KCNQ4: variants seen among roughly 807,000 people sequenced by gnomAD.
KCNQ4 encodes potassium voltage-gated channel subfamily Q member 4, also known as potassium voltage-gated channel subfamily KQT member 4.
Under a neutral mutation model 72.6 loss-of-function variants are expected in KCNQ4, and 31 were observed. The ratio of observed to expected loss-of-function variants is 0.43; its 90% confidence interval spans 0.32 to 0.58. The LOEUF is 0.58. KCNQ4 is among the 20% of genes least tolerant of loss of function. The pLI, the probability that KCNQ4 is intolerant of heterozygous loss-of-function variation, is 0.08. For missense variants in KCNQ4, 869 were observed against 962.6 expected, an observed-to-expected ratio of 0.90 and a Z score of 1.29; for synonymous variants, 405 against 403.7, an observed-to-expected ratio of 1.00 and a Z score of -0.04.
In KCNQ4 at chr1:40,784,223, C is replaced by T. The variant is rs1299603082; in HGVS notation, c.130C>T (p.Arg44Cys). The change falls in exon 1 of 14, where the codon CGC (arginine) becomes TGC (cysteine). Residue 44 changes from arginine to cysteine, a missense_variant. Around this residue, in one of 5 missense-constraint regions of KCNQ4, gnomAD observed 178 missense variants for 145.3 expected, o/e 1.22. Coordinates refer to ENST00000347132, the MANE Select transcript of KCNQ4 (RefSeq NM_004700.4). The surrounding 1 kb of genome is among the most constrained non-coding windows in gnomAD (Gnocchi z 4.1). ...GGCGGGCGGGGGCGGCTCCCCGCGC[C>T]GCCTCGGCCTCCTGGGCAGCCCCCT... ...GEAGGGGSPR[R>C]LGLLGSPLPP... 1.2e-5 allele frequency: 14 copies of T among 1,187,598 alleles called. No individual in the cohort carries two copies. The highest frequency in any genetic ancestry group is 1.5e-5 in the Non-Finnish European group (14 of 964,258). 73.6% of individuals were successfully genotyped at this position (1,187,598 alleles called of 1,614,324 possible).
intron 4 of KCNQ4, 135 bp downstream of exon 4, chr1:40,818,815 C>T: frequency 9.8e-7 from 1 of 1,015,874 alleles, no homozygotes; most frequent in African/African-American, 1.6e-5. Context: ...GGTTGGAGCC[C>T]TAGCAGGAGG....
intron 1 of KCNQ4, among the ~76,000 whole-genome samples, chr1:40,808,620 C>T (rs996175463): frequency 6.6e-6 from 1 of 152,140 alleles, no homozygotes; most frequent in Non-Finnish European, 1.5e-5. Flanking sequence ...CCTCCCTTCC[C>T]ACAGCCTCCT....
Position 40,817,317 on chromosome 1 carries a change from G to T in KCNQ4, c.367G>T (p.Glu123Ter). 6.2e-7 allele frequency: 1 copy of T among 1,614,016 alleles called. No individual in the cohort carries two copies. The highest frequency in any genetic ancestry group is 2.2e-5 in the East Asian group (1 of 44,884). Residue 123 changes from glutamate (E) to a stop codon, truncating the protein, a stop_gained, in exon 2 of 14, where the codon GAG becomes TAG. Coordinates refer to ENST00000347132, the MANE Select transcript of KCNQ4 (RefSeq NM_004700.4). LOFTEE classifies it high-confidence loss of function. This position sits in a 1 kb window ranked among gnomAD's most constrained non-coding sequence, Gnocchi z 5.5. ...LVLSVLSTIQ[E>*]HQELANECLL... Reference sequence around the variant, plus strand: ...GCTGTCTGTGCTGTCCACTATCCAGGAGCACCAGGAACTTGCCAACGAGTG... The same window carrying T: ...GCTGTCTGTGCTGTCCACTATCCAGTAGCACCAGGAACTTGCCAACGAGTG...
chr1:40,825,261 G>A (rs1648441727), intron 9 of KCNQ4, among the ~76,000 whole-genome samples: 2 of 152,140 alleles, frequency 1.3e-5, no homozygotes, highest in African/African-American at 2.4e-5. Flanking sequence ...CCCAGGCCCA[G>A]AACAAAGAAT....
chr1:40,784,443 C>G lies in KCNQ4; in HGVS notation c.314+36C>G, dbSNP rs776063721. 30 of 1,596,362 alleles carry G rather than the reference C, an allele frequency of 1.9e-5. No homozygotes were observed. Among genetic ancestry groups the G allele is most frequent in the East Asian group, 4.5e-5 (2 of 44,656 alleles). On this transcript the variant is annotated intron_variant, in intron 1 of 13. Transcript: ENST00000347132. The surrounding 1 kb of genome is among the most constrained non-coding windows in gnomAD (Gnocchi z 4.1). ...GACCCCGCGCCCTTCCGCGTTTCCC[C>G]GCGCAAGCCTGGCCTCCCGGGGCAC...
intron 1 of KCNQ4, among the ~76,000 whole-genome samples, chr1:40,798,671 G>A (rs919038806): frequency 1.3e-5 from 2 of 152,320 alleles, no homozygotes; most frequent in Non-Finnish European, 2.9e-5. Flanking sequence ...TTGAGCCTGC[G>A]CTCTCAGCGA....
At chr1:40,808,874 A>G (rs560720290) in intron 1 of KCNQ4, among the ~76,000 whole-genome samples, 4 of 152,200 alleles carry the variant, frequency 2.6e-5, no homozygotes, top group Non-Finnish European at 4.4e-5. Flanking sequence ...TTCTCCAGCT[A>G]CGATCTCTGA....
chr1:40,807,331 A>G (rs908803082), intron 1 of KCNQ4, among the ~76,000 whole-genome samples: 12 of 152,102 alleles, frequency 7.9e-5, no homozygotes, highest in Non-Finnish European at 1.5e-4. Context: ...CTCCACCTAC[A>G]TGTTGCAGAC....
intron 1 of KCNQ4, among the ~76,000 whole-genome samples, chr1:40,793,209 G>A (rs1647322359): frequency 6.6e-6 from 1 of 151,060 alleles, no homozygotes; most frequent in Non-Finnish European, 1.5e-5. Context: ...TTGCTATGTT[G>A]TCCAGGCTGA....
intron 1 of KCNQ4, among the ~76,000 whole-genome samples, chr1:40,797,424 A>G (rs533725341): frequency 5.7e-4 from 87 of 152,372 alleles, no homozygotes; most frequent in Non-Finnish European, 1.2e-3. Context: ...AAAGAACAGC[A>G]AGAAGTCAGA....
rs2148832741 is a variant in KCNQ4 at position 40,788,444 on chromosome 1, G to A, written c.314+4037G>A. ...TCTGAAATGAAATCTCTGGTTGTGT[G>A]TGCAGCACCAACTATGCACAGGGCA... On this transcript the variant is annotated intron_variant, in intron 1 of 13. Coordinates refer to ENST00000347132, the MANE Select transcript of KCNQ4 (RefSeq NM_004700.4). The surrounding 1 kb of genome is among the most constrained non-coding windows in gnomAD (Gnocchi z 4.5). Among the ~76,000 whole-genome samples the A allele has an allele frequency of 6.6e-6, 1 of 152,322 alleles. No individual in the cohort carries two copies. The highest frequency in any genetic ancestry group is 1.9e-4 in the East Asian group (1 of 5,186).
chr1:40,819,548 G>A, intron 5 of KCNQ4, 76 bp downstream of exon 5: 2 of 1,585,574 alleles, frequency 1.3e-6, no homozygotes, highest in Non-Finnish European at 8.6e-7. Flanking sequence ...TGCCCATCGT[G>A]ACTCCTGACT....
intron 1 of KCNQ4, among the ~76,000 whole-genome samples, chr1:40,812,394 C>G (rs979618964): frequency 8.5e-5 from 13 of 152,074 alleles, no homozygotes; most frequent in African/African-American, 3.1e-4. Flanking sequence ...GTAGCTGGGA[C>G]CACAGATGCA....
chr1:40,784,156 G>T lies in KCNQ4; in HGVS notation c.63G>T (p.Ala21=). Residue 21 remains alanine, a synonymous_variant, in exon 1 of 14, where the codon GCG becomes GCT. Transcript: ENST00000347132. The surrounding 1 kb of genome is among the most constrained non-coding windows in gnomAD (Gnocchi z 4.1). The part of the protein sequence containing the change: ...LGPPPGDAPR[A]ELVALTAVQS... ...CCCCGCCCGGGGACGCCCCCCGCGC[G>T]GAGCTAGTGGCGCTCACGGCCGTGC... 9.4e-7 allele frequency: 1 copy of T among 1,066,698 alleles called. No homozygotes were observed. Among genetic ancestry groups the T allele is most frequent in the South Asian group, 3.0e-5 (1 of 33,382 alleles). The allele number at this position is 1,066,698 out of a possible 1,614,324, so 66.1% of individuals were successfully genotyped here. A position where few individuals can be genotyped will look rare whatever the true frequency, so the allele number is the denominator to read the frequency against.
chr1:40,785,360 G>A (rs1345756502), intron 1 of KCNQ4, among the ~76,000 whole-genome samples: 2 of 152,238 alleles, frequency 1.3e-5, no homozygotes, highest in African/African-American at 2.4e-5. Flanking sequence ...ACGCTGGGAC[G>A]CTCAGAGGTG....
At position 40,792,022 on chromosome 1, in the gene KCNQ4, A is replaced by G. The variant is rs548517125; in HGVS notation, c.314+7615A>G. 7.4e-5 allele frequency among the ~76,000 whole-genome samples: 10 copies of G among 135,352 alleles called. No homozygotes were observed. In the East Asian group the frequency reaches 1.9e-3, roughly 25 times the overall value. 88.8% of individuals were successfully genotyped at this position (135,352 alleles called of 152,430 possible). On this transcript the variant is annotated intron_variant, in intron 1 of 13. Coordinates refer to ENST00000347132, the MANE Select transcript of KCNQ4 (RefSeq NM_004700.4). ...GAGATGCCTGTTCCCTTTGAGCCCA[A>G]CTTTGGCGGGGTGTGGGTCGGGGGT...
rs140112591 is a variant in KCNQ4 at position 40,819,606 on chromosome 1, C to T, written c.834+134C>T. ...TGCCCTCTCACTAGAGCTGGGACCC[C>T]CCTGAGACCAGCCCCAATGCTAACC... On this transcript the variant is annotated intron_variant, in intron 5 of 13. Coordinates refer to ENST00000347132, the MANE Select transcript of KCNQ4 (RefSeq NM_004700.4). 97 of 1,235,570 alleles carry T rather than the reference C, an allele frequency of 7.9e-5. No homozygotes were observed. In the African/African-American group the frequency reaches 1.3e-3, roughly 16 times the overall value. 76.5% of individuals were successfully genotyped at this position (1,235,570 alleles called of 1,614,324 possible).
At chr1:40,831,622 GCCTCATTCT>G (rs938171652) in intron 10 of KCNQ4, among the ~76,000 whole-genome samples, 3 of 152,150 alleles carry the variant, frequency 2.0e-5, no homozygotes, top group African/African-American at 4.8e-5. Flanking sequence ...ATTTCTCTGG[GCCTCATTCT>G]CCTCATTCAT....
rs770763842 is a variant in KCNQ4, at chr1:40,817,308, A to G, written c.358A>G (p.Thr120Ala). ...FSCLVLSVLS[T>A]IQEHQELANE... Reference sequence around the variant, plus strand: ...CTGCCTGGTGCTGTCTGTGCTGTCCACTATCCAGGAGCACCAGGAACTTGC... The same window carrying G: ...CTGCCTGGTGCTGTCTGTGCTGTCCGCTATCCAGGAGCACCAGGAACTTGC... The change falls in exon 2 of 14, where the codon ACT (threonine) becomes GCT (alanine). Residue 120 changes from threonine (T) to alanine (A), a missense_variant. Around this residue, in one of 5 missense-constraint regions of KCNQ4, gnomAD observed 179 missense variants for 243.0 expected, o/e 0.74. Coordinates refer to ENST00000347132, the MANE Select transcript of KCNQ4 (RefSeq NM_004700.4). The surrounding 1 kb of genome is among the most constrained non-coding windows in gnomAD (Gnocchi z 5.5). 4 of 1,613,852 alleles carry G rather than the reference A, an allele frequency of 2.5e-6. No homozygotes were observed. The highest frequency in any genetic ancestry group is 2.2e-5 in the East Asian group (1 of 44,898).
Sources: gnomAD v4.1 joint callset for allele counts (sites outside exome capture counted in the v4.1 genomes callset) on GRCh38, gnomAD v4.1.1 for gene constraint, gnomAD v4.1.1 regional missense constraint, Gnocchi (gnomAD v3.1) non-coding constraint, MANE v1.5 for transcripts, NCBI Gene and HGNC (gene_info 2026-07-23, HGNC 2026-07-21) for gene names.